The following DHX15 variants were observed in gnomAD, a reference collection of about 807,000 sequenced individuals.
DHX15 encodes DEAH-box helicase 15.
A neutral mutation model predicts 94.4 loss-of-function variants in DHX15; 11 were observed. The ratio of observed to expected loss-of-function variants is 0.12; its 90% CI spans 0.07 to 0.19. DHX15 has a LOEUF of 0.19. Ranked by LOEUF, DHX15 falls within the 10% of genes least tolerant of loss-of-function variation. The pLI is 1.00. For synonymous variants in DHX15, 338 were observed against 329.9 expected (o/e 1.02, Z -0.27); for missense variants, 304 against 988.5 (o/e 0.31, Z 9.29).
Position 24,537,178 on chromosome 4 carries a change from A to G in DHX15, c.1787-5T>C, listed in dbSNP as rs1448569736. 1 of 1,613,704 alleles carries G rather than the reference A, an allele frequency of 6.2e-7. No individual in the cohort carries two copies. On this transcript the variant is annotated splice_polypyrimidine_tract_variant and splice_region_variant and intron_variant, in intron 10 of 13. Coordinates refer to ENST00000336812, the MANE Select transcript of DHX15 (RefSeq NM_001358.3). This position sits in a 1 kb window ranked among gnomAD's most constrained non-coding sequence, Gnocchi z 4.7. ...GGCGAACAAAACACTGTGGGACTAA[A>G]CAAGGTTGGTATGGGCCCAACACAA... is the stretch of plus-strand genomic sequence containing the variant.
At chr4:24,540,770 G>A (rs1721292805) in intron 9 of DHX15, 70 bp downstream of exon 9, 2 of 826,800 alleles carry the variant, frequency 2.4e-6, no homozygotes, top group Non-Finnish European at 3.9e-6. Flanking sequence ...TATTAAATAG[G>A]ATGGAGAAAA....
At chr4:24,567,028 T>G (rs1461900933) in intron 3 of DHX15, among the ~76,000 whole-genome samples, 2 of 152,180 alleles carry the variant, frequency 1.3e-5, no homozygotes, top group African/African-American at 2.4e-5. Flanking sequence ...TAGAAGGTAC[T>G]TAACTATTAG....
intron 2 of DHX15, among the ~76,000 whole-genome samples, chr4:24,575,321 A>T (rs971204565): frequency 6.6e-6 from 1 of 152,192 alleles, no homozygotes; most frequent in Non-Finnish European, 1.5e-5. Context: ...GCATGGTAAG[A>T]CAGGTAATTC....
rs1721224811 is a variant in DHX15, at chr4:24,537,685, A to G, written c.1787-512T>C. 6.5e-6 allele frequency: 1 copy of G among 152,700 alleles called. No individual in the cohort carries two copies. The highest frequency in any genetic ancestry group is 2.4e-5 in the African/African-American group (1 of 41,464). 9.5% of individuals were successfully genotyped at this position (152,700 alleles called of 1,614,324 possible). On this transcript the variant is annotated intron_variant, in intron 10 of 13. Transcript: ENST00000336812. The surrounding 1 kb of genome is among the most constrained non-coding windows in gnomAD (Gnocchi z 4.7). ...GAATTTTTTCCCTAATACTGTGGCT[A>G]TTACCAACTGGTGGGTATCACTATT...
intron 10 of DHX15, chr4:24,539,182 C>G (rs1721256639): frequency 1.3e-5 from 2 of 152,056 alleles, no homozygotes; most frequent in South Asian, 2.1e-4. Flanking sequence ...TAAACTAAGC[C>G]ATAATTTTAC....
At chr4:24,561,137 T>C (rs1356174075) in intron 3 of DHX15, among the ~76,000 whole-genome samples, 4 of 152,212 alleles carry the variant, frequency 2.6e-5, no homozygotes, top group Admixed American at 6.5e-5. Context: ...TGTAAGAGGA[T>C]ACGGAGGACA....
chr4:24,579,224 A>C (rs568493816), intron 1 of DHX15, among the ~76,000 whole-genome samples: 5 of 152,212 alleles, frequency 3.3e-5, no homozygotes, highest in Non-Finnish European at 5.9e-5. Flanking sequence ...TTTTAGTCTC[A>C]GATTAAAGTA....
intron 11 of DHX15, among the ~76,000 whole-genome samples, chr4:24,534,477 G>C (rs73804155): frequency 0.035 from 5,350 of 152,224 alleles, 282 homozygotes; most frequent in African/African-American, 0.11. Context: ...TGGTTCTACT[G>C]TATTTCTAAA....
intron 6 of DHX15, among the ~76,000 whole-genome samples, chr4:24,547,945 ATATCTATATCTATATC>A (rs1560766006): frequency 3.5e-4 from 17 of 49,006 alleles, no homozygotes; most frequent in African/African-American, 1.5e-3. Flanking sequence ...ATATATATCT[ATATCTATATCTATATC>A]TATCTGCTGA....
intron 6 of DHX15, among the ~76,000 whole-genome samples, chr4:24,547,950 T>TACAC (rs1560766061): frequency 2.2e-3 from 27 of 12,182 alleles, no homozygotes; most frequent in Admixed American, 0.011. Flanking sequence ...TATCTATATC[T>TACAC]ATATCTATAT....
chr4:24,549,084 C>A, intron 5 of DHX15, 62 bp from the exon 6 acceptor site: 1 of 1,426,544 alleles, frequency 7.0e-7, no homozygotes, highest in Non-Finnish European at 9.5e-7. Flanking sequence ...TTATTATAAT[C>A]CTAGTTCTAT....
At chr4:24,545,912 T>C (rs887214972) in intron 6 of DHX15, among the ~76,000 whole-genome samples, 4 of 152,214 alleles carry the variant, frequency 2.6e-5, no homozygotes, top group African/African-American at 7.2e-5. Flanking sequence ...ACAGACCCTA[T>C]GGTGAAAAGC....
chr4:24,536,400 A>G (rs1390682119), intron 11 of DHX15, among the ~76,000 whole-genome samples: 1 of 152,212 alleles, frequency 6.6e-6, no homozygotes, highest in East Asian at 1.9e-4. Context: ...TACAGTTGCT[A>G]AAGTTCCTGG....
At chr4:24,545,686 G>C (rs17766123) in intron 6 of DHX15, among the ~76,000 whole-genome samples, 1,634 of 152,330 alleles carry the variant, frequency 0.011, 5 homozygotes, top group Non-Finnish European at 0.016. Context: ...TACTTCAGCA[G>C]TTGAGTGAGG....
intron 12 of DHX15, 98 bp downstream of exon 12, chr4:24,532,764 GCA>G (rs1464823491): frequency 1.2e-5 from 10 of 869,526 alleles, no homozygotes; most frequent in Non-Finnish European, 1.6e-5. Context: ...TTATGAGCAT[GCA>G]CAAACTCACT....
intron 7 of DHX15, 86 bp downstream of exon 7, chr4:24,542,854 G>T: frequency 1.0e-6 from 1 of 963,000 alleles, no homozygotes; most frequent in Non-Finnish European, 1.6e-6. Context: ...AAATAATTCT[G>T]AAAGGTAAAT....
chr4:24,570,883 CT>C (rs1560774543), intron 2 of DHX15, 36 bp from the exon 3 acceptor site: 2 of 1,597,304 alleles, frequency 1.3e-6, no homozygotes, highest in African/African-American at 2.7e-5. Context: ...TAATTCTATT[CT>C]GCCTGCATAT....
intron 6 of DHX15, among the ~76,000 whole-genome samples, chr4:24,547,788 TAAAAAA>T (rs768863797): frequency 7.3e-6 from 1 of 136,928 alleles, no homozygotes; most frequent in African/African-American, 2.7e-5. Context: ...CCATGTTGTT[TAAAAAA>T]AAAAAAAAAT....
Position 24,554,851 on chromosome 4 carries a change from A to C in DHX15, c.954T>G (p.Pro318=). The change falls in exon 5 of 14, where the codon CCT becomes CCG. Residue 318 remains proline, a synonymous_variant. Coordinates refer to ENST00000336812, the MANE Select transcript of DHX15 (RefSeq NM_001358.3). ...PLLTIPGRTH[P]VEIFYTPEPE... is the part of the protein sequence containing the mutation. ...GTTCTGGAGTATAGAAGATCTCAAC[A>C]GGATGTGTACGCCCAGGAATAGTTA... 1 of 1,613,828 alleles carries C rather than the reference A, an allele frequency of 6.2e-7. No homozygotes were observed. Among genetic ancestry groups the C allele is most frequent in the Non-Finnish European group, 8.5e-7 (1 of 1,179,870 alleles).
Sources: allele counts gnomAD v4.1 joint callset (sites outside exome capture counted in the v4.1 genomes callset), GRCh38; gene constraint gnomAD v4.1.1; non-coding constraint Gnocchi (gnomAD v3.1); transcripts MANE v1.5; gene names NCBI Gene and HGNC (gene_info 2026-07-23, HGNC 2026-07-21).